PLXDC2: variants seen among roughly 807,000 people sequenced by gnomAD.
PLXDC2 encodes the protein plexin domain-containing protein 2.
In PLXDC2, 40 loss-of-function variants were observed where a neutral mutation model predicts 68.9. That is an observed-to-expected ratio of 0.58 (90% CI 0.45 to 0.76). The LOEUF is 0.76. Ranked by LOEUF, PLXDC2 falls within the 30% of genes least tolerant of loss-of-function variation. PLXDC2 has a pLI of 0.00. For synonymous variants in PLXDC2, 243 were observed against 234.2 expected, an observed-to-expected ratio of 1.04 and a Z score of -0.34; for missense variants, 644 against 661.9, an observed-to-expected ratio of 0.97 and a Z score of 0.30.
intron 4 of PLXDC2, among the ~76,000 whole-genome samples, chr10:20,120,433 G>A (rs1209936779): frequency 6.6e-6 from 1 of 152,130 alleles, no homozygotes; most frequent in Non-Finnish European, 1.5e-5. Context: ...GGATATAAAG[G>A]TTTCACTGAA....
intron 1 of PLXDC2, among the ~76,000 whole-genome samples, chr10:19,919,339 A>G (rs1298681174): frequency 1.3e-5 from 2 of 151,998 alleles, no homozygotes; most frequent in Non-Finnish European, 2.9e-5. Context: ...ACCTTATTAA[A>G]AAAGGACATT....
intron 1 of PLXDC2, among the ~76,000 whole-genome samples, chr10:19,921,831 T>C (rs893947655): frequency 6.6e-6 from 1 of 152,178 alleles, no homozygotes; most frequent in Admixed American, 6.5e-5. Context: ...CAACTGTGTC[T>C]ATCTTTTTTT....
intron 4 of PLXDC2, among the ~76,000 whole-genome samples, chr10:20,113,844 G>A (rs1200107634): frequency 1.3e-5 from 2 of 152,160 alleles, no homozygotes; most frequent in Admixed American, 1.3e-4. Flanking sequence ...AAGCAAATGT[G>A]GCTGGGTGTG....
intron 4 of PLXDC2, among the ~76,000 whole-genome samples, chr10:20,103,409 G>C (rs1283719487): frequency 6.6e-6 from 1 of 152,090 alleles, no homozygotes; most frequent in African/African-American, 2.4e-5. Flanking sequence ...GAACAGCTTT[G>C]AAAAAGCCCT....
intron 13 of PLXDC2, among the ~76,000 whole-genome samples, chr10:20,263,235 C>T (rs1302559607): frequency 6.6e-6 from 1 of 152,058 alleles, no homozygotes; most frequent in African/African-American, 2.4e-5. Flanking sequence ...TTTGACAAAG[C>T]TGATAAAAAT....
intron 6 of PLXDC2, among the ~76,000 whole-genome samples, chr10:20,163,011 G>A (rs1834326530): frequency 6.6e-6 from 1 of 151,854 alleles, no homozygotes; most frequent in Non-Finnish European, 1.5e-5. Flanking sequence ...AACCCGGGAG[G>A]CGGAGGTTGC....
intron 13 of PLXDC2, among the ~76,000 whole-genome samples, chr10:20,246,723 A>T (rs917578569): frequency 6.6e-6 from 1 of 152,248 alleles, no homozygotes; most frequent in Non-Finnish European, 1.5e-5. Flanking sequence ...TAGAAATACT[A>T]AAGCAATAAA....
intron 10 of PLXDC2, 60 bp downstream of exon 10, chr10:20,211,789 A>C (rs1835073372): frequency 6.8e-7 from 1 of 1,481,016 alleles, no homozygotes; most frequent in African/African-American, 1.4e-5. Flanking sequence ...ATGTGTTTTA[A>C]CTGTTAATAA....
At chr10:19,863,469 T>C (rs566324845) in intron 1 of PLXDC2, among the ~76,000 whole-genome samples, 13 of 152,310 alleles carry the variant, frequency 8.5e-5, no homozygotes, top group African/African-American at 3.1e-4. Context: ...TATTGTATAT[T>C]AGACAGAACA....
At chr10:20,104,765 A>G (rs1833468289) in intron 4 of PLXDC2, among the ~76,000 whole-genome samples, 1 of 151,972 alleles carries the variant, frequency 6.6e-6, no homozygotes, top group Non-Finnish European at 1.5e-5. Context: ...AAGAGCTTCC[A>G]GATCAGGCCG....
intron 2 of PLXDC2, among the ~76,000 whole-genome samples, chr10:20,036,686 C>G (rs1380341387): frequency 6.6e-6 from 1 of 151,982 alleles, no homozygotes; most frequent in Non-Finnish European, 1.5e-5. Context: ...TAATCAGTGG[C>G]TCTGAAAAAT....
rs775545426 is a variant in PLXDC2 at position 20,245,391 on chromosome 10, C to T, written c.1359C>T (p.His453=). ...SAAEKKGGTL[H]AGLIIGILIL... is the part of the protein sequence containing the mutation. ...CTGAGAAGAAAGGGGGAACCCTCCACGCTGGCCTCATCATTGGAATCCTCA... is the reference window on the plus strand; with the variant it reads ...CTGAGAAGAAAGGGGGAACCCTCCATGCTGGCCTCATCATTGGAATCCTCA... The change falls in exon 13 of 14, where the codon CAC becomes CAT. Residue 453 remains histidine (H), a synonymous_variant. Coordinates refer to ENST00000377252, the MANE Select transcript of PLXDC2 (RefSeq NM_032812.9). The T allele has an allele frequency of 3.7e-6, 6 of 1,613,936 alleles. No individual in the cohort carries two copies. The highest frequency in any genetic ancestry group is 3.3e-5 in the South Asian group (3 of 91,070).
intron 2 of PLXDC2, among the ~76,000 whole-genome samples, chr10:20,038,975 C>T (rs1407306962): frequency 6.6e-6 from 1 of 152,104 alleles, no homozygotes; most frequent in African/African-American, 2.4e-5. Flanking sequence ...TATGATTTTA[C>T]TTCTGGCAAA....
At chr10:20,008,893 ACCTT>A (rs1835067706) in intron 2 of PLXDC2, among the ~76,000 whole-genome samples, 1 of 151,866 alleles carries the variant, frequency 6.6e-6, no homozygotes, top group East Asian at 1.9e-4. Context: ...CTCCTCCTTC[ACCTT>A]CTGCCGTGAT....
chr10:20,225,416 A>G (rs11819691), intron 12 of PLXDC2, among the ~76,000 whole-genome samples: 2,680 of 138,980 alleles, frequency 0.019, 83 homozygotes, highest in African/African-American at 0.066. Context: ...TAGTCCTATG[A>G]GCAAAGGGAA....
At chr10:20,150,796 A>G (rs1035839188) in intron 6 of PLXDC2, among the ~76,000 whole-genome samples, 1 of 152,174 alleles carries the variant, frequency 6.6e-6, no homozygotes, top group Non-Finnish European at 1.5e-5. Context: ...CTGTTCTCAA[A>G]GGTGTCTCAC....
rs1321024426 is a variant in PLXDC2, at chr10:19,916,136, GT to G, written c.113-85627del. Among the ~76,000 whole-genome samples the G allele has an allele frequency of 1.7e-3, 214 of 122,720 alleles. 2 individuals carry two copies. Among genetic ancestry groups the G allele is most frequent in the African/African-American group, 6.9e-3 (188 of 27,432 alleles). 80.5% of individuals were successfully genotyped at this position (122,720 alleles called of 152,430 possible). A position where few individuals can be genotyped will look rare whatever the true frequency, so the allele number is the denominator to read the frequency against. Reference sequence around the variant, plus strand: ...TGTGGAGGGAGTTGTGTTTTGTTTTGTTTTTTTTTTTTAATGGAGTCTCACT... The same window carrying G: ...TGTGGAGGGAGTTGTGTTTTGTTTTGTTTTTTTTTTTAATGGAGTCTCACT... On this transcript the variant is annotated intron_variant, in intron 1 of 13. Transcript: ENST00000377252.
chr10:19,870,505 A>G (rs1275602945), intron 1 of PLXDC2, among the ~76,000 whole-genome samples: 4 of 152,020 alleles, frequency 2.6e-5, no homozygotes, highest in Admixed American at 2.6e-4. Flanking sequence ...ACCTCACTGC[A>G]ATCTCTGCCT....
intron 2 of PLXDC2, among the ~76,000 whole-genome samples, chr10:20,042,000 T>C (rs1005857908): frequency 3.9e-5 from 6 of 152,202 alleles, no homozygotes; most frequent in East Asian, 3.8e-4. Context: ...ACACTGGGCA[T>C]TGGGGCTTCC....
Sources: gnomAD v4.1 joint callset for allele counts (sites outside exome capture counted in the v4.1 genomes callset) on GRCh38, gnomAD v4.1.1 for gene constraint, MANE v1.5 for transcripts, NCBI Gene and HGNC (gene_info 2026-07-23, HGNC 2026-07-21) for gene names.